ZCCHC10: variants seen among roughly 807,000 people sequenced by gnomAD.
ZCCHC10 encodes the protein zinc finger CCHC-type containing 10, also known as zinc finger CCHC domain-containing protein 10.
In ZCCHC10, 16 loss-of-function variants were observed where a neutral mutation model predicts 19.5. That is an observed-to-expected ratio of 0.82 (90% confidence interval 0.56 to 1.25). The LOEUF (loss-of-function observed/expected upper bound fraction) is 1.25. Among genes scored for constraint, ZCCHC10 ranks in the 50% most tolerant of loss-of-function variants. The pLI is 0.00. For synonymous variants in ZCCHC10, 67 were observed against 72.5 expected, an observed-to-expected ratio of 0.92 and a Z score of 0.38; for missense variants, 197 against 201.0, an observed-to-expected ratio of 0.98 and a Z score of 0.12.
intron 1 of ZCCHC10, among the ~76,000 whole-genome samples, chr5:133,023,592 T>G (rs1035018100): frequency 5.9e-5 from 9 of 151,294 alleles, no homozygotes; most frequent in African/African-American, 2.2e-4. Flanking sequence ...CTGACCAACA[T>G]GGAGAAACCC....
intron 2 of ZCCHC10, among the ~76,000 whole-genome samples, chr5:133,007,901 C>T (rs779025091): frequency 4.6e-5 from 7 of 151,988 alleles, no homozygotes; most frequent in Admixed American, 1.3e-4. Flanking sequence ...TAGAAAAGAC[C>T]GTCAAAACAT....
chr5:133,007,902 G>A (rs187565137), intron 2 of ZCCHC10, among the ~76,000 whole-genome samples: 11 of 152,174 alleles, frequency 7.2e-5, no homozygotes, highest in Admixed American at 2.6e-4. Context: ...AGAAAAGACC[G>A]TCAAAACATT....
intron 1 of ZCCHC10, among the ~76,000 whole-genome samples, chr5:133,024,524 G>A (rs1764538969): frequency 6.6e-6 from 1 of 152,204 alleles, no homozygotes; most frequent in Non-Finnish European, 1.5e-5. Flanking sequence ...GCAAGCATGA[G>A]AGACAGACAG....
intron 4 of ZCCHC10, among the ~76,000 whole-genome samples, chr5:132,999,616 G>C (rs1762636471): frequency 1.3e-5 from 2 of 151,976 alleles, no homozygotes; most frequent in South Asian, 4.1e-4. Context: ...CCACGTACAA[G>C]GACTCTAGAA....
intron 2 of ZCCHC10, chr5:133,019,218 CAGAG>C (rs767590192): frequency 6.6e-6 from 2 of 304,496 alleles, no homozygotes; most frequent in Non-Finnish European, 1.3e-5. Flanking sequence ...AAAAAAAAAA[CAGAG>C]AGAGAAAACA....
At chr5:133,014,793 C>T (rs1017696341) in intron 2 of ZCCHC10, among the ~76,000 whole-genome samples, 1 of 152,190 alleles carries the variant, frequency 6.6e-6, no homozygotes, top group Non-Finnish European at 1.5e-5. Flanking sequence ...TGACCAAGAC[C>T]ATCAGTTTTG....
At chr5:133,012,982 C>T (rs1440438687) in intron 2 of ZCCHC10, among the ~76,000 whole-genome samples, 1 of 149,826 alleles carries the variant, frequency 6.7e-6, no homozygotes, top group Admixed American at 6.7e-5. Flanking sequence ...ACCTGGGAGG[C>T]GGAGCTTGCA....
At chr5:133,013,692 A>G (rs145278303) in intron 2 of ZCCHC10, among the ~76,000 whole-genome samples, 2,435 of 152,244 alleles carry the variant, frequency 0.016, 61 homozygotes, top group African/African-American at 0.055. Flanking sequence ...ACTGCATTCC[A>G]GCCTGGGCAA....
At chr5:133,012,153 A>G (rs1310456509) in intron 2 of ZCCHC10, among the ~76,000 whole-genome samples, 5 of 65,912 alleles carry the variant, frequency 7.6e-5, no homozygotes, top group African/African-American at 3.5e-4. Flanking sequence ...AAAAAAAAAA[A>G]AAGAAAGAAA....
At chr5:133,009,447 T>C (rs1260411371) in intron 2 of ZCCHC10, among the ~76,000 whole-genome samples, 1 of 151,434 alleles carries the variant, frequency 6.6e-6, no homozygotes, top group Non-Finnish European at 1.5e-5. Context: ...GTGAAACCCG[T>C]CTCTACTAAA....
chr5:133,010,735 T>G (rs1322378906), intron 2 of ZCCHC10, among the ~76,000 whole-genome samples: 2 of 152,146 alleles, frequency 1.3e-5, no homozygotes, highest in Admixed American at 6.6e-5. Context: ...CCTCCCAAAG[T>G]GCTGCGATTA....
At chr5:133,022,549 G>A (rs1186187066) in intron 2 of ZCCHC10, among the ~76,000 whole-genome samples, 1 of 151,970 alleles carries the variant, frequency 6.6e-6, no homozygotes, top group East Asian at 1.9e-4. Context: ...CGTCTCCCGG[G>A]TTCAAGCAAT....
intron 2 of ZCCHC10, among the ~76,000 whole-genome samples, chr5:133,019,704 C>T (rs1457259495): frequency 6.6e-6 from 1 of 152,086 alleles, no homozygotes; most frequent in Non-Finnish European, 1.5e-5. Flanking sequence ...CCTGTAATCC[C>T]AGCACTTTGG....
Position 133,015,902 on chromosome 5 carries a change from C to T in ZCCHC10, c.107+6939G>A, listed in dbSNP as rs140727242. On this transcript the variant is annotated intron_variant, in intron 2 of 4. Transcript: ENST00000509437. The stretch of plus-strand genomic sequence containing the variant: ...TTGAAAATCCATAAATATCCTACTC[C>T]TCATTAAATATTTAGTTCCTTTATT... Among the ~76,000 whole-genome samples, 70 of 152,324 alleles carry T rather than the reference C, an allele frequency of 4.6e-4. No homozygotes were observed. In the East Asian group the frequency reaches 9.4e-3, roughly 21 times the overall value.
chr5:133,005,199 T>C (rs958420631), intron 3 of ZCCHC10, among the ~76,000 whole-genome samples: 1 of 152,008 alleles, frequency 6.6e-6, no homozygotes, highest in Non-Finnish European at 1.5e-5. Context: ...CTCCGGAGGC[T>C]GAGGCACAAT....
chr5:132,998,679 A>G lies in ZCCHC10; in HGVS notation c.483T>C (p.Ser161=). The G allele has an allele frequency of 3.1e-6, 5 of 1,614,174 alleles. No individual in the cohort carries two copies. The highest frequency in any genetic ancestry group is 1.1e-5 in the South Asian group (1 of 91,088). Residue 161 remains serine (S), a synonymous_variant, in exon 5 of 5, where the codon TCT becomes TCC. Coordinates refer to ENST00000509437, the MANE Select transcript of ZCCHC10 (RefSeq NM_001300816.3). ...SASSTTSSSS[S]DSDSDSSSSS... ...AAGAGCTGGAATCTGAGTCTGAATCAGAGGAGGAGGAAGAGGTTGTGGAGG... is the reference window on the plus strand; with the variant it reads ...AAGAGCTGGAATCTGAGTCTGAATCGGAGGAGGAGGAAGAGGTTGTGGAGG...
rs115006478 is a variant in ZCCHC10, at chr5:133,023,361, T to C, written c.42-455A>G. On this transcript the variant is annotated intron_variant, in intron 1 of 4. Coordinates refer to ENST00000509437, the MANE Select transcript of ZCCHC10 (RefSeq NM_001300816.3). ...AATTAAATCAATTATTTCATTCCAA[T>C]TGATTTAGTAGACTGACTAGTTAAG... Among the ~76,000 whole-genome samples the C allele has an allele frequency of 6.0e-3, 909 of 152,204 alleles. 11 individuals are homozygous for C. The highest frequency in any genetic ancestry group is 0.021 in the African/African-American group (864 of 41,546).
intron 2 of ZCCHC10, among the ~76,000 whole-genome samples, chr5:133,009,175 G>A (rs1030505613): frequency 6.6e-6 from 1 of 151,910 alleles, no homozygotes; most frequent in East Asian, 2.0e-4. Context: ...GCTAATTTTT[G>A]TATTTTTTGT....
At chr5:133,009,952 G>C (rs1763385694) in intron 2 of ZCCHC10, among the ~76,000 whole-genome samples, 2 of 151,796 alleles carry the variant, frequency 1.3e-5, no homozygotes, top group Admixed American at 1.3e-4. Flanking sequence ...TCGATAAAGT[G>C]TTAGGTACAC....
Sources: gnomAD v4.1 joint callset for allele counts (sites outside exome capture counted in the v4.1 genomes callset) on GRCh38, gnomAD v4.1.1 for gene constraint, MANE v1.5 for transcripts, NCBI Gene and HGNC (gene_info 2026-07-23, HGNC 2026-07-21) for gene names.